Variants in CD48 observed in about 807,000 individuals in gnomAD.
The protein encoded by CD48 is CD48 antigen.
In CD48, 20 loss-of-function variants were observed where a neutral mutation model predicts 22.0. The observed-to-expected ratio is 0.91, with a 90% CI of 0.64 to 1.32. The LOEUF is 1.32. Among genes scored for constraint, CD48 ranks in the 40% most tolerant of loss-of-function variants. CD48 has a pLI of 0.00. For synonymous variants in CD48, 110 were observed against 110.1 expected (o/e 1.00, Z 0.01); for missense variants, 307 against 286.5 (o/e 1.07, Z -0.52).
At chr1:160,679,671 A>G (rs1298311557) in intron 3 of CD48, among the ~76,000 whole-genome samples, 2 of 152,184 alleles carry the variant, frequency 1.3e-5, no homozygotes, top group African/African-American at 4.8e-5. Flanking sequence ...AAAAGGAATG[A>G]GTGATACAGT....
At chr1:160,684,785 TCTC>T (rs1558031424) in intron 2 of CD48, 99 bp downstream of exon 2, 2 of 1,613,190 alleles carry the variant, frequency 1.2e-6, no homozygotes, top group Non-Finnish European at 1.7e-6. Context: ...GAGGTTTTTC[TCTC>T]CTCCTCCCCG....
intron 2 of CD48, among the ~76,000 whole-genome samples, chr1:160,682,026 G>T (rs542836267): frequency 3.9e-5 from 6 of 152,140 alleles, no homozygotes; most frequent in Non-Finnish European, 5.9e-5. Flanking sequence ...ACTTCCAGCC[G>T]CATCAATTGT....
chr1:160,684,798 G>A (rs771679237), intron 2 of CD48, 89 bp downstream of exon 2: 9 of 1,613,718 alleles, frequency 5.6e-6, no homozygotes, highest in Middle Eastern at 1.6e-4. Flanking sequence ...CCTCCTCCCC[G>A]AGAGTGCCCC....
Position 160,679,128 on chromosome 1 carries a change from C to T in CD48, c.656G>A (p.Arg219Gln), listed in dbSNP as rs770435638. Residue 219 changes from arginine (R) to glutamine (Q), a missense_variant, in exon 4 of 4, where the codon CGG (arginine) becomes CAG (glutamine). Arg to Gln is a conservative substitution (Grantham distance 43, BLOSUM62 1). Transcript: ENST00000368046. ...TGCAATCCATTCTACTCCAAAGGACCGGGCTGAAAGAGCAAGAAAACCCTA... is the reference window on the plus strand; with the variant it reads ...TGCAATCCATTCTACTCCAAAGGACTGGGCTGAAAGAGCAAGAAAACCCTA... ...VCLSPPCTLARSFGVEWIASW... is the reference protein window; with the variant it reads ...VCLSPPCTLAQSFGVEWIASW... 23 of 1,613,758 alleles carry T rather than the reference C, an allele frequency of 1.4e-5. 1 individual carries two copies. The highest frequency in any genetic ancestry group is 1.6e-4 in the Middle Eastern group (1 of 6,084).
intron 1 of CD48, among the ~76,000 whole-genome samples, chr1:160,700,721 A>G (rs1662602951): frequency 6.6e-6 from 1 of 152,160 alleles, no homozygotes; most frequent in African/African-American, 2.4e-5. Flanking sequence ...GGAATGCCTA[A>G]AGTAGGTCTT....
At chr1:160,681,930 C>T (rs1386511083) in intron 2 of CD48, among the ~76,000 whole-genome samples, 1 of 152,164 alleles carries the variant, frequency 6.6e-6, no homozygotes, top group Non-Finnish European at 1.5e-5. Flanking sequence ...TACCTGTCTG[C>T]GCGTGGCAAA....
At chr1:160,710,260 T>C (rs138504936) in intron 1 of CD48, among the ~76,000 whole-genome samples, 1,576 of 152,268 alleles carry the variant, frequency 0.01, 26 homozygotes, top group African/African-American at 0.036. Flanking sequence ...AGTATTCTCA[T>C]CTGAAAAATG....
chr1:160,703,431 T>C (rs1226934454), intron 1 of CD48, among the ~76,000 whole-genome samples: 1 of 151,344 alleles, frequency 6.6e-6, no homozygotes, highest in African/African-American at 2.4e-5. Context: ...GACAGGAGGG[T>C]GAGGGGCTGT....
intron 2 of CD48, among the ~76,000 whole-genome samples, chr1:160,682,764 G>C (rs909544662): frequency 6.6e-6 from 1 of 152,138 alleles, no homozygotes; most frequent in African/African-American, 2.4e-5. Context: ...ACATTCTAGA[G>C]GCCATTTTAC....
intron 1 of CD48, among the ~76,000 whole-genome samples, chr1:160,688,819 G>A (rs866945681): frequency 7.9e-5 from 12 of 152,092 alleles, no homozygotes; most frequent in South Asian, 6.2e-4. Flanking sequence ...GATGATTCTC[G>A]TTCTCCTGAT....
Position 160,680,602 on chromosome 1 carries a change from A to T in CD48, c.652+600T>A. The stretch of plus-strand genomic sequence containing the variant: ...GGCCTGATCTAGAGCCAGGTGTGAC[A>T]CTCATGAGTGGATCCTCCCAGGAGA... On this transcript the variant is annotated intron_variant, in intron 3 of 3. Coordinates refer to ENST00000368046, the MANE Select transcript of CD48 (RefSeq NM_001778.4). 13 of 1,001,656 alleles carry T rather than the reference A, an allele frequency of 1.3e-5. No individual in the cohort carries two copies. In the Admixed American group the frequency reaches 1.5e-4, roughly 12 times the overall value. 62.0% of individuals were successfully genotyped at this position (1,001,656 alleles called of 1,614,324 possible). A position where few individuals can be genotyped will look rare whatever the true frequency, so the allele number is the denominator to read the frequency against.
chr1:160,691,706 A>G (rs1662226393), intron 1 of CD48: 1 of 310,430 alleles, frequency 3.2e-6, no homozygotes, highest in South Asian at 1.5e-4. Flanking sequence ...CTCTCATTGC[A>G]CCTTACGAGA....
rs1015758481 is a variant in CD48, at chr1:160,681,533, A to G, written c.386-65T>C. 68 of 1,569,046 alleles carry G rather than the reference A, an allele frequency of 4.3e-5. No homozygotes were observed. In the Admixed American group the frequency reaches 1.1e-3, roughly 25 times the overall value. ...CATTCATGCTGTGAAGGTTTAGCCA[A>G]CAAAGAACAAAGGGATCCAGGGAAG... On this transcript the variant is annotated intron_variant, in intron 2 of 3. Coordinates refer to ENST00000368046, the MANE Select transcript of CD48 (RefSeq NM_001778.4).
At chr1:160,681,065 T>C (rs748681739) in intron 3 of CD48, 137 bp downstream of exon 3, 11 of 1,522,076 alleles carry the variant, frequency 7.2e-6, no homozygotes, top group South Asian at 6.1e-5. Flanking sequence ...AGAACCCACG[T>C]CTCCCAGCTC....
At chr1:160,693,498 A>G (rs546937409) in intron 1 of CD48, among the ~76,000 whole-genome samples, 1 of 152,404 alleles carries the variant, frequency 6.6e-6, no homozygotes, top group Admixed American at 6.5e-5. Flanking sequence ...TTAGGAGGAC[A>G]AGTTAGAACA....
At chr1:160,705,189 A>C (rs913778534) in intron 1 of CD48, among the ~76,000 whole-genome samples, 7 of 152,212 alleles carry the variant, frequency 4.6e-5, no homozygotes, top group Admixed American at 1.3e-4. Flanking sequence ...TCAGCCTTCC[A>C]ACCATTCATC....
chr1:160,689,787 T>G (rs922946329), intron 1 of CD48, among the ~76,000 whole-genome samples: 4 of 152,170 alleles, frequency 2.6e-5, no homozygotes, highest in Non-Finnish European at 5.9e-5. Context: ...GGTGGGTACC[T>G]AGACATGGGA....
In CD48 at chr1:160,681,331, C is replaced by T. The variant is rs1558029886; in HGVS notation, c.523G>A (p.Glu175Lys). Residue 175 changes from glutamate to lysine, a missense_variant, in exon 3 of 4, where the codon GAG (glutamate) becomes AAG (lysine). Physicochemically the swap from Glu to Lys is moderately conservative, Grantham distance 56. Transcript: ENST00000368046. The stretch of plus-strand genomic sequence containing the variant: ...GTTTCAAGCACACTGTTCTGGAGCT[C>T]CTTTGGGAAGGGCCTTTTGTCCCCA... ...WYGDKRPFPK[E>K]LQNSVLETTL... The T allele has an allele frequency of 6.2e-7, 1 of 1,614,160 alleles. No homozygotes were observed. Among genetic ancestry groups the T allele is most frequent in the Non-Finnish European group, 8.5e-7 (1 of 1,180,040 alleles).
In CD48 at chr1:160,689,921, T is replaced by G. The variant is rs1272360638; in HGVS notation, c.83-4732A>C. 2.0e-5 allele frequency among the ~76,000 whole-genome samples: 3 copies of G among 152,222 alleles called. No homozygotes were observed. In the East Asian group the frequency reaches 5.8e-4, roughly 29 times the overall value. On this transcript the variant is annotated intron_variant, in intron 1 of 3. Coordinates refer to ENST00000368046, the MANE Select transcript of CD48 (RefSeq NM_001778.4). ...ACTTGCCTTCGTTTATGGAAAATTT[T>G]TTGCCTGTATAATGGCGTTTGGCTG... is the stretch of plus-strand genomic sequence containing the variant.
Sources: allele counts gnomAD v4.1 joint callset (sites outside exome capture counted in the v4.1 genomes callset), GRCh38; gene constraint gnomAD v4.1.1; transcripts MANE v1.5; gene names NCBI Gene and HGNC (gene_info 2026-07-23, HGNC 2026-07-21).